SLC15A5: variants seen among roughly 807,000 people sequenced by gnomAD.
SLC15A5 encodes the protein Peptide/histidine transporter ENSP00000340402.
In SLC15A5, 58 loss-of-function variants were observed where a neutral mutation model predicts 56.1. The ratio of observed to expected loss-of-function variants is 1.03; its 90% CI spans 0.84 to 1.29. SLC15A5 has a LOEUF of 1.29. Ranked by LOEUF, SLC15A5 falls within the 50% of genes most tolerant of loss-of-function variation. SLC15A5 has a pLI of 0.00. For missense variants in SLC15A5, 681 were observed against 672.1 expected, an observed-to-expected ratio of 1.01 and a Z score of -0.15; for synonymous variants, 264 against 250.5, an observed-to-expected ratio of 1.05 and a Z score of -0.51.
chr12:16,260,291 A>T (rs1864630776), intron 2 of SLC15A5, among the ~76,000 whole-genome samples: 1 of 152,100 alleles, frequency 6.6e-6, no homozygotes, highest in African/African-American at 2.4e-5. Flanking sequence ...CCCCACTGAT[A>T]ACAAAAAGAA....
chr12:16,225,166 T>C lies in SLC15A5; in HGVS notation c.1163-564A>G, dbSNP rs189619432. Among the ~76,000 whole-genome samples the C allele has an allele frequency of 2.8e-3, 425 of 152,258 alleles. 2 individuals are homozygous for C. The highest frequency in any genetic ancestry group is 9.2e-3 in the African/African-American group (383 of 41,548). ...GTTTGGTTCCAAGTCTTTGCTATTG[T>C]GAGTAGTGCCGCAATAAACATACAT... On this transcript the variant is annotated intron_variant, in intron 5 of 8. Coordinates refer to ENST00000344941, the MANE Select transcript of SLC15A5 (RefSeq NM_001170798.1).
At chr12:16,276,222 C>T (rs540543096) in intron 1 of SLC15A5, among the ~76,000 whole-genome samples, 15 of 152,112 alleles carry the variant, frequency 9.9e-5, no homozygotes, top group East Asian at 5.8e-4. Context: ...CCAGGTTTGA[C>T]TTAAACTCCA....
intron 7 of SLC15A5, among the ~76,000 whole-genome samples, chr12:16,210,854 G>T (rs1328919270): frequency 9.9e-5 from 15 of 152,208 alleles, no homozygotes. Context: ...CCTCTGTGCA[G>T]CATCAGGGGT....
At chr12:16,200,797 A>G (rs1863947408) in intron 7 of SLC15A5, among the ~76,000 whole-genome samples, 1 of 152,176 alleles carries the variant, frequency 6.6e-6, no homozygotes, top group Admixed American at 6.6e-5. Flanking sequence ...TTTTAAAGTC[A>G]GAATTAAAAT....
intron 8 of SLC15A5, among the ~76,000 whole-genome samples, chr12:16,190,104 A>G (rs1442344547): frequency 6.6e-6 from 1 of 152,210 alleles, no homozygotes; most frequent in East Asian, 1.9e-4. Context: ...CTGAAAGCCT[A>G]TTGACTTGAC....
Position 16,196,905 on chromosome 12 carries a change from G to A in SLC15A5, c.1484-2452C>T, listed in dbSNP as rs1863899964. 6.6e-6 allele frequency among the ~76,000 whole-genome samples: 1 copy of A among 151,830 alleles called. No homozygotes were observed. The highest frequency in any genetic ancestry group is 2.4e-5 in the African/African-American group (1 of 41,352). ...TGGGAGATACTACTAGATCCCCCTG[G>A]GCACACCAGAGCACTCTCATCACTG... On this transcript the variant is annotated intron_variant, in intron 7 of 8. Coordinates refer to ENST00000344941, the MANE Select transcript of SLC15A5 (RefSeq NM_001170798.1). The surrounding 1 kb of genome is among the most constrained non-coding windows in gnomAD (Gnocchi z 4.0).
At chr12:16,251,940 A>G (rs933233512) in intron 3 of SLC15A5, among the ~76,000 whole-genome samples, 4 of 152,048 alleles carry the variant, frequency 2.6e-5, no homozygotes, top group African/African-American at 9.7e-5. Context: ...CATTAAATGG[A>G]TCATAGACCA....
chr12:16,201,065 C>G (rs150594636), intron 7 of SLC15A5, among the ~76,000 whole-genome samples: 2 of 151,986 alleles, frequency 1.3e-5, no homozygotes, highest in Non-Finnish European at 2.9e-5. Context: ...AAAACTCTTA[C>G]GGAAATGAGA....
chr12:16,262,124 G>A (rs914796810), intron 2 of SLC15A5, among the ~76,000 whole-genome samples: 3 of 152,170 alleles, frequency 2.0e-5, no homozygotes, highest in African/African-American at 2.4e-5. Flanking sequence ...GAACTGAAAT[G>A]ACTCATCCAA....
intron 6 of SLC15A5, 50 bp from the exon 7 acceptor site, chr12:16,217,074 T>G: frequency 6.7e-7 from 1 of 1,497,942 alleles, no homozygotes; most frequent in South Asian, 1.3e-5. Context: ...TGAAAATGCT[T>G]TCATAGAGAC....
intron 5 of SLC15A5, among the ~76,000 whole-genome samples, chr12:16,227,714 TTACTC>T (rs1239338210): frequency 1.3e-5 from 2 of 152,100 alleles, no homozygotes; most frequent in African/African-American, 4.8e-5. Flanking sequence ...AATTTGAAAA[TTACTC>T]TGAAGATAAG....
intron 2 of SLC15A5, among the ~76,000 whole-genome samples, chr12:16,261,797 A>C (rs1864645814): frequency 6.6e-6 from 1 of 152,138 alleles, no homozygotes; most frequent in South Asian, 2.1e-4. Flanking sequence ...CCTAATGACT[A>C]ATGATGTTGA....
At chr12:16,242,744 T>G (rs961597007) in intron 4 of SLC15A5, among the ~76,000 whole-genome samples, 1 of 152,206 alleles carries the variant, frequency 6.6e-6, no homozygotes, top group African/African-American at 2.4e-5. Context: ...TCCAACTTAG[T>G]GGAAAGAAAT....
chr12:16,213,457 G>A (rs1279687103), intron 7 of SLC15A5, among the ~76,000 whole-genome samples: 1 of 152,046 alleles, frequency 6.6e-6, no homozygotes, highest in Non-Finnish European at 1.5e-5. Context: ...TGTTTGAAGA[G>A]CTGCTATGTG....
In SLC15A5 at chr12:16,253,777, A is replaced by G. The variant is rs190528921; in HGVS notation, c.754+3924T>C. Reference sequence around the variant, plus strand: ...GGCAGTATTAAAAGATCAGAAAAATACTGCGTTGACGAGGATGTGGAGAAA... The same window carrying G: ...GGCAGTATTAAAAGATCAGAAAAATGCTGCGTTGACGAGGATGTGGAGAAA... On this transcript the variant is annotated intron_variant, in intron 3 of 8. Transcript: ENST00000344941. Among the ~76,000 whole-genome samples the G allele has an allele frequency of 1.7e-3, 257 of 152,252 alleles. 1 individual carries two copies. The highest frequency in any genetic ancestry group is 7.5e-4 in the Non-Finnish European group (51 of 68,002).
At chr12:16,242,879 A>T (rs1864426499) in intron 4 of SLC15A5, among the ~76,000 whole-genome samples, 1 of 152,104 alleles carries the variant, frequency 6.6e-6, no homozygotes, top group Non-Finnish European at 1.5e-5. Flanking sequence ...CCAATCTAAG[A>T]TGTTTTATTA....
At chr12:16,233,570 C>T (rs985445608) in intron 5 of SLC15A5, among the ~76,000 whole-genome samples, 2 of 152,162 alleles carry the variant, frequency 1.3e-5, no homozygotes, top group South Asian at 2.1e-4. Context: ...GATTGGCTAA[C>T]CCCTGGTTTA....
chr12:16,200,978 CAA>C (rs1180326330), intron 7 of SLC15A5, among the ~76,000 whole-genome samples: 3 of 151,868 alleles, frequency 2.0e-5, no homozygotes, highest in Non-Finnish European at 4.4e-5. Context: ...ATAAAACTGG[CAA>C]ATCCAATCAG....
At chr12:16,239,150 GA>G (rs1864385446) in intron 5 of SLC15A5, among the ~76,000 whole-genome samples, 1 of 152,148 alleles carries the variant, frequency 6.6e-6, no homozygotes, top group South Asian at 2.1e-4. Flanking sequence ...AATATGATCA[GA>G]ATGGACTTCC....
Sources: gnomAD v4.1 joint callset for allele counts (sites outside exome capture counted in the v4.1 genomes callset) on GRCh38, gnomAD v4.1.1 for gene constraint, Gnocchi (gnomAD v3.1) non-coding constraint, MANE v1.5 for transcripts, NCBI Gene and HGNC (gene_info 2026-07-23, HGNC 2026-07-21) for gene names.